CACNA2D3: variants seen among roughly 807,000 people sequenced by gnomAD.
CACNA2D3 encodes voltage-dependent calcium channel subunit alpha-2/delta-3.
CACNA2D3 carries 60 observed loss-of-function variants against 160.6 expected under a neutral mutation model. The ratio of observed to expected loss-of-function variants is 0.37; its 90% confidence interval spans 0.30 to 0.46. The LOEUF is 0.46. Among genes scored for constraint, CACNA2D3 ranks in the 20% least tolerant of loss-of-function variants. The probability of loss-of-function intolerance (pLI) is 1.00; values close to 1 mark genes in which losing one functional copy is unlikely to be tolerated. For missense variants in CACNA2D3, 1,205 were observed against 1,365.0 expected (o/e 0.88, Z 1.85); for synonymous variants, 558 against 492.9 (o/e 1.13, Z -1.75).
chr3:54,918,502 C>G (rs923923506), intron 27 of CACNA2D3: 2 of 1,613,996 alleles, frequency 1.2e-6, no homozygotes, highest in Non-Finnish European at 1.7e-6. Flanking sequence ...TTCCACCTTC[C>G]CAGGATCATT....
chr3:54,805,731 C>T (rs894466575), intron 13 of CACNA2D3, among the ~76,000 whole-genome samples: 43 of 152,266 alleles, frequency 2.8e-4, no homozygotes, highest in South Asian at 6.2e-4. Context: ...ACACCAAAGC[C>T]GGGCAGAGAC....
At chr3:54,328,524 T>C (rs7637308) in intron 3 of CACNA2D3, among the ~76,000 whole-genome samples, 150,405 of 152,008 alleles carry the variant, frequency 0.99, 74,415 homozygotes, top group East Asian at 1. Flanking sequence ...TCAGGTGATC[T>C]GCCCACCTCG....
At chr3:54,875,920 T>G (rs1285049928) in intron 18 of CACNA2D3, among the ~76,000 whole-genome samples, 2 of 152,206 alleles carry the variant, frequency 1.3e-5, no homozygotes, top group Non-Finnish European at 2.9e-5. Flanking sequence ...ATTACCACAC[T>G]TGCGAATGCT....
At chr3:54,570,973 C>T (rs1702486666) in intron 8 of CACNA2D3, among the ~76,000 whole-genome samples, 1 of 152,156 alleles carries the variant, frequency 6.6e-6, no homozygotes, top group African/African-American at 2.4e-5. Flanking sequence ...GGTAGTTGGG[C>T]ACCTGTTCAG....
chr3:54,170,926 T>G (rs1428263251), intron 2 of CACNA2D3, among the ~76,000 whole-genome samples: 1 of 152,068 alleles, frequency 6.6e-6, no homozygotes, highest in African/African-American at 2.4e-5. Flanking sequence ...TGGAGTAATT[T>G]TTATGAACCT....
intron 2 of CACNA2D3, among the ~76,000 whole-genome samples, chr3:54,154,537 C>G (rs554751944): frequency 6.6e-6 from 1 of 151,990 alleles, no homozygotes; most frequent in Non-Finnish European, 1.5e-5. Flanking sequence ...TTTTCCCCCC[C>G]GAATGATTAT....
intron 35 of CACNA2D3, among the ~76,000 whole-genome samples, chr3:55,071,558 A>G (rs991461279): frequency 6.6e-6 from 1 of 151,786 alleles, no homozygotes; most frequent in African/African-American, 2.4e-5. Context: ...TTCTTTAAAT[A>G]TTTTACTCTG....
intron 2 of CACNA2D3, among the ~76,000 whole-genome samples, chr3:54,230,915 C>G (rs1437583230): frequency 1.3e-5 from 2 of 152,152 alleles, no homozygotes; most frequent in African/African-American, 2.4e-5. Flanking sequence ...TTCCAAGCTT[C>G]TTTTTAATCG....
intron 27 of CACNA2D3, among the ~76,000 whole-genome samples, chr3:54,940,834 A>G (rs559613800): frequency 3.3e-5 from 5 of 152,322 alleles, no homozygotes; most frequent in African/African-American, 9.6e-5. Flanking sequence ...AAAAAAGGGC[A>G]TATGTTTATG....
At chr3:54,911,273 CTCT>C (rs890904017) in intron 27 of CACNA2D3, among the ~76,000 whole-genome samples, 2 of 149,524 alleles carry the variant, frequency 1.3e-5, no homozygotes, top group Admixed American at 6.7e-5. Context: ...GATCTTCTTC[CTCT>C]TCTTCTTTTT....
chr3:54,851,771 C>T (rs1412870499), intron 17 of CACNA2D3, among the ~76,000 whole-genome samples: 1 of 152,194 alleles, frequency 6.6e-6, no homozygotes, highest in African/African-American at 2.4e-5. Context: ...TTTATTATCC[C>T]AGCATATCCA....
chr3:54,415,670 A>G (rs1699742433), intron 4 of CACNA2D3, among the ~76,000 whole-genome samples: 1 of 152,222 alleles, frequency 6.6e-6, no homozygotes. Flanking sequence ...CTTCACAGAC[A>G]TTATTTCATT....
chr3:54,209,142 A>G (rs1222003208), intron 2 of CACNA2D3, among the ~76,000 whole-genome samples: 1 of 152,230 alleles, frequency 6.6e-6, no homozygotes, highest in African/African-American at 2.4e-5. Context: ...GGGTGGGGAC[A>G]CAGCCAAACC....
chr3:54,674,789 A>G (rs542321463), intron 11 of CACNA2D3, among the ~76,000 whole-genome samples: 2 of 152,354 alleles, frequency 1.3e-5, no homozygotes, highest in South Asian at 4.1e-4. Flanking sequence ...ATGGTCTGAT[A>G]GCTGAGTTCA....
intron 9 of CACNA2D3, among the ~76,000 whole-genome samples, chr3:54,589,042 G>T (rs1702812496): frequency 6.6e-6 from 1 of 151,896 alleles, no homozygotes; most frequent in Non-Finnish European, 1.5e-5. Context: ...GTTTACCTAG[G>T]AAGTCACAGT....
chr3:54,240,784 A>AGTGCAATG (rs1017117440), intron 2 of CACNA2D3, among the ~76,000 whole-genome samples: 16 of 151,936 alleles, frequency 1.1e-4, no homozygotes, highest in African/African-American at 2.4e-4. Flanking sequence ...CCCAGTCTGG[A>AGTGCAATG]GTGCAATGGT....
intron 27 of CACNA2D3, among the ~76,000 whole-genome samples, chr3:54,953,967 C>T (rs1200222473): frequency 6.6e-6 from 1 of 152,192 alleles, no homozygotes; most frequent in Non-Finnish European, 1.5e-5. Context: ...CCACAGATTT[C>T]AGTCCACAGA....
intron 4 of CACNA2D3, among the ~76,000 whole-genome samples, chr3:54,401,732 C>T (rs928398673): frequency 3.3e-5 from 5 of 152,088 alleles, no homozygotes; most frequent in Non-Finnish European, 5.9e-5. Context: ...CCACTAAACC[C>T]GTCTTAGAAG....
chr3:55,011,198 C>T (rs1266960500), intron 34 of CACNA2D3, among the ~76,000 whole-genome samples: 4 of 152,206 alleles, frequency 2.6e-5, no homozygotes, highest in East Asian at 3.8e-4. Flanking sequence ...CATGCCTGTC[C>T]AGGCTTGGCT....
Sources: allele counts gnomAD v4.1 joint callset (sites outside exome capture counted in the v4.1 genomes callset), GRCh38; gene constraint gnomAD v4.1.1; transcripts MANE v1.5; gene names NCBI Gene and HGNC (gene_info 2026-07-23, HGNC 2026-07-21).